The following THSD7B variants were observed in gnomAD, a reference collection of about 807,000 sequenced individuals.
THSD7B encodes the protein thrombospondin type-1 domain-containing protein 7B.
THSD7B carries 138 observed loss-of-function variants against 213.6 expected under a neutral mutation model. The observed-to-expected ratio is 0.65, with a 90% confidence interval of 0.56 to 0.74. The LOEUF (loss-of-function observed/expected upper bound fraction) is 0.74. THSD7B is among the 30% of genes least tolerant of loss of function. The pLI is 0.00. For synonymous variants in THSD7B, 742 were observed against 687.0 expected (o/e 1.08, Z -1.25); for missense variants, 1,931 against 1,991.5 (o/e 0.97, Z 0.58).
chr2:136,839,575 C>A (rs1460349473), intron 1 of THSD7B, among the ~76,000 whole-genome samples: 1 of 152,112 alleles, frequency 6.6e-6, no homozygotes, highest in Non-Finnish European at 1.5e-5. Flanking sequence ...TGGCATTGAC[C>A]TTCTTCCTTT....
intron 7 of THSD7B, among the ~76,000 whole-genome samples, chr2:137,177,558 A>T (rs1162968016): frequency 6.6e-6 from 1 of 152,132 alleles, no homozygotes; most frequent in Admixed American, 6.5e-5. Context: ...TCCAGCCCCT[A>T]CCCCAGAGTT....
intron 7 of THSD7B, among the ~76,000 whole-genome samples, chr2:137,207,756 G>C (rs148881532): frequency 6.3e-4 from 96 of 152,136 alleles, no homozygotes; most frequent in African/African-American, 2.3e-3. Flanking sequence ...AGTTTGGTGA[G>C]CTCCTACTTA....
chr2:136,881,783 T>C lies in THSD7B; in HGVS notation c.-35-361T>C, dbSNP rs146548912. On this transcript the variant is annotated intron_variant, in intron 1 of 27. Coordinates refer to ENST00000409968, the MANE Select transcript of THSD7B (RefSeq NM_001316349.2). ...GTTTCTTTTCTTTTTAGAGCTACTA[T>C]GGGAATCAAGTAACTACTTTGGATC... 2.6e-3 allele frequency among the ~76,000 whole-genome samples: 389 copies of C among 152,272 alleles called. 1 individual carries two copies. Among genetic ancestry groups the C allele is most frequent in the African/African-American group, 9.1e-3 (377 of 41,576 alleles).
At chr2:137,272,413 A>G in intron 10 of THSD7B, 120 bp from the exon 11 acceptor site, 1 of 995,584 alleles carries the variant, frequency 1.0e-6, no homozygotes, top group Non-Finnish European at 1.4e-6. Flanking sequence ...TTTCGTTCCC[A>G]GGTTGACTTT....
intron 3 of THSD7B, among the ~76,000 whole-genome samples, chr2:137,066,290 C>T (rs2104886521): frequency 6.7e-6 from 1 of 148,722 alleles, no homozygotes; most frequent in East Asian, 2.0e-4. Context: ...CTCCCAGGTT[C>T]AAGGAATTCT....
At chr2:137,104,042 T>A (rs1251551032) in intron 4 of THSD7B, among the ~76,000 whole-genome samples, 1 of 152,162 alleles carries the variant, frequency 6.6e-6, no homozygotes, top group Non-Finnish European at 1.5e-5. Context: ...CTAATAGACA[T>A]CTACAGAACT....
At chr2:137,543,507 C>T (rs1432344801) in intron 15 of THSD7B, among the ~76,000 whole-genome samples, 1 of 151,842 alleles carries the variant, frequency 6.6e-6, no homozygotes, top group African/African-American at 2.4e-5. Flanking sequence ...AAAATATAAG[C>T]ACCAAAGCTG....
At chr2:137,283,879 T>G (rs1444056818) in intron 12 of THSD7B, among the ~76,000 whole-genome samples, 2 of 152,082 alleles carry the variant, frequency 1.3e-5, no homozygotes, top group African/African-American at 4.8e-5. Flanking sequence ...TTGTATCTCT[T>G]CCCAGCTTTG....
chr2:137,203,324 TC>T (rs1477514231), intron 7 of THSD7B, among the ~76,000 whole-genome samples: 1 of 152,124 alleles, frequency 6.6e-6, no homozygotes, highest in Non-Finnish European at 1.5e-5. Flanking sequence ...ATTTATCCTT[TC>T]TTAAATAGGA....
intron 2 of THSD7B, among the ~76,000 whole-genome samples, chr2:136,996,389 T>C (rs1316032870): frequency 6.6e-6 from 1 of 152,060 alleles, no homozygotes; most frequent in African/African-American, 2.4e-5. Flanking sequence ...TCATCTTGGC[T>C]GGAGTGCCGT....
At chr2:136,853,958 C>G (rs937505553) in intron 1 of THSD7B, among the ~76,000 whole-genome samples, 7 of 152,082 alleles carry the variant, frequency 4.6e-5, no homozygotes, top group Admixed American at 4.6e-4. Context: ...GATTTGTGTT[C>G]TTTTAACATA....
At chr2:136,769,511 C>A (rs1275659029) in intron 1 of THSD7B, among the ~76,000 whole-genome samples, 1 of 152,158 alleles carries the variant, frequency 6.6e-6, no homozygotes, top group East Asian at 1.9e-4. Context: ...GGTAGGGACT[C>A]ATGCTTTTGG....
chr2:137,406,827 A>G (rs577755355), intron 13 of THSD7B, among the ~76,000 whole-genome samples: 60 of 152,102 alleles, frequency 3.9e-4, no homozygotes, highest in Middle Eastern at 3.4e-3. Flanking sequence ...ATCTTCCACA[A>G]AAATTTGTGC....
At chr2:137,369,111 G>GT (rs1167945718) in intron 12 of THSD7B, among the ~76,000 whole-genome samples, 1 of 97,640 alleles carries the variant, frequency 1.0e-5, no homozygotes, top group Non-Finnish European at 1.9e-5. Context: ...CTGATTTGTT[G>GT]TTTTTGTTGT....
chr2:137,599,521 C>T (rs1032783526), intron 17 of THSD7B, among the ~76,000 whole-genome samples: 2 of 151,336 alleles, frequency 1.3e-5, no homozygotes, highest in Non-Finnish European at 2.9e-5. Flanking sequence ...AATAGGAACA[C>T]TTTTACACTG....
chr2:137,015,721 T>C (rs1415889551), intron 2 of THSD7B, among the ~76,000 whole-genome samples: 1 of 152,208 alleles, frequency 6.6e-6, no homozygotes, highest in East Asian at 1.9e-4. Flanking sequence ...CCCTTTACTT[T>C]AAAAAGTCTC....
intron 12 of THSD7B, among the ~76,000 whole-genome samples, chr2:137,332,209 C>T (rs993816305): frequency 1.6e-4 from 24 of 152,112 alleles, no homozygotes; most frequent in Admixed American, 5.9e-4. Context: ...TGCAAAGCCA[C>T]GGGACAGAGC....
chr2:137,232,411 A>T (rs1425448759), intron 8 of THSD7B, among the ~76,000 whole-genome samples: 1 of 152,140 alleles, frequency 6.6e-6, no homozygotes, highest in African/African-American at 2.4e-5. Context: ...GCACTGCTTG[A>T]TAGAGGATAG....
chr2:137,274,744 G>C (rs1253370561), intron 11 of THSD7B, among the ~76,000 whole-genome samples: 1 of 151,962 alleles, frequency 6.6e-6, no homozygotes, highest in Admixed American at 6.6e-5. Context: ...TCAAAAGTTG[G>C]ACTAAAATCC....
Sources: allele counts gnomAD v4.1 joint callset (sites outside exome capture counted in the v4.1 genomes callset), GRCh38; gene constraint gnomAD v4.1.1; transcripts MANE v1.5; gene names NCBI Gene and HGNC (gene_info 2026-07-23, HGNC 2026-07-21).